Variants in NRP1 observed in about 807,000 individuals in gnomAD.
NRP1 encodes the protein neuropilin-1.
Under a neutral mutation model 106.7 loss-of-function variants are expected in NRP1, and 35 were observed. The observed-to-expected ratio is 0.33, with a 90% CI of 0.25 to 0.43. The LOEUF (loss-of-function observed/expected upper bound fraction) is 0.43. Ranked by LOEUF, NRP1 falls within the 20% of genes least tolerant of loss-of-function variation. The probability of loss-of-function intolerance (pLI) is 1.00; values close to 1 mark genes in which losing one functional copy is unlikely to be tolerated. For synonymous variants in NRP1, 437 were observed against 417.9 expected (o/e 1.05, Z -0.56); for missense variants, 1,024 against 1,170.4 (o/e 0.87, Z 1.83).
chr10:33,216,945 A>T (rs1838828794), intron 8 of NRP1, among the ~76,000 whole-genome samples: 1 of 152,140 alleles, frequency 6.6e-6, no homozygotes, highest in East Asian at 1.9e-4. Flanking sequence ...CATTTTCTCA[A>T]TTGCCCTTTC....
At position 33,202,917 on chromosome 10, in the gene NRP1, C is replaced by T. The variant is rs768496698; in HGVS notation, c.1838G>A (p.Gly613Glu). ...CDDDQANCHSGTGDDFQLTGG... is the reference protein window; with the variant it reads ...CDDDQANCHSETGDDFQLTGG... ...TGTGAGCTGGAAGTCATCACCTGTTCCACTGTGGCAGTTGGCCTGGTCGTC... is the reference window on the plus strand; with the variant it reads ...TGTGAGCTGGAAGTCATCACCTGTTTCACTGTGGCAGTTGGCCTGGTCGTC... The change falls in exon 11 of 17, where the codon GGA becomes GAA. Residue 613 changes from glycine to glutamate, a missense_variant. By Grantham distance (98) the Gly-to-Glu change is moderately conservative (BLOSUM62 -2). Coordinates refer to ENST00000374867, the MANE Select transcript of NRP1 (RefSeq NM_003873.7). 1 of 1,614,216 alleles carries T rather than the reference C, an allele frequency of 6.2e-7. No individual in the cohort carries two copies. The highest frequency in any genetic ancestry group is 1.7e-5 in the Admixed American group (1 of 60,024).
At chr10:33,249,173 T>C (rs1841663390) in intron 6 of NRP1, among the ~76,000 whole-genome samples, 1 of 148,262 alleles carries the variant, frequency 6.7e-6, no homozygotes, top group Non-Finnish European at 1.5e-5. Context: ...CCAAGAGCTT[T>C]AATTAAAGCT....
chr10:33,179,966 G>T lies in NRP1; in HGVS notation c.*110C>A. 2 of 1,119,098 alleles carry T rather than the reference G, an allele frequency of 1.8e-6. No individual in the cohort carries two copies. Among genetic ancestry groups the T allele is most frequent in the Non-Finnish European group, 2.6e-6 (2 of 767,254 alleles). The allele number at this position is 1,119,098 out of a possible 1,614,324, so 69.3% of individuals were successfully genotyped here. A position where few individuals can be genotyped will look rare whatever the true frequency, so the allele number is the denominator to read the frequency against. Reference sequence around the variant, plus strand: ...AAGCTCCTGAGAAAAGCCTGGCTCAGTGGTCATCAACACACTTCCCAGCCT... The same window carrying T: ...AAGCTCCTGAGAAAAGCCTGGCTCATTGGTCATCAACACACTTCCCAGCCT... On this transcript the variant is annotated 3_prime_UTR_variant, in exon 17 of 17. Transcript: ENST00000374867.
At chr10:33,269,371 G>A (rs1843137632) in intron 3 of NRP1, among the ~76,000 whole-genome samples, 1 of 152,168 alleles carries the variant, frequency 6.6e-6, no homozygotes, top group South Asian at 2.1e-4. Flanking sequence ...AGGCTCAACT[G>A]CAGCCTCCAA....
rs760822303 is a variant in NRP1 at position 33,334,361 on chromosome 10, G to A, written c.22C>T (p.Leu8Phe). The change falls in exon 1 of 17, where the codon CTC becomes TTC. Residue 8 changes from leucine to phenylalanine, a missense_variant. Leu to Phe is a conservative substitution (Grantham distance 22). Coordinates refer to ENST00000374867, the MANE Select transcript of NRP1 (RefSeq NM_003873.7). ...AGGACGAGGGCGAGCACGGCGCAGA[G>A]GAGCGGCAGCCCCCTCTCCATTCTC... MERGLPLLCAVLALVLAP... is the reference protein window; with the variant it reads MERGLPLFCAVLALVLAP... 6.5e-7 allele frequency: 1 copy of A among 1,546,418 alleles called. No individual in the cohort carries two copies. The highest frequency in any genetic ancestry group is 8.7e-7 in the Non-Finnish European group (1 of 1,147,390).
chr10:33,257,376 C>T (rs1842268736), intron 4 of NRP1, among the ~76,000 whole-genome samples: 1 of 152,178 alleles, frequency 6.6e-6, no homozygotes, highest in Admixed American at 6.5e-5. Flanking sequence ...GTGGCTCACT[C>T]TTGTAATCCC....
chr10:33,213,731 T>A lies in NRP1; in HGVS notation c.1283-14A>T, dbSNP rs1838521553. On this transcript the variant is annotated splice_polypyrimidine_tract_variant and intron_variant, in intron 8 of 16. Coordinates refer to ENST00000374867, the MANE Select transcript of NRP1 (RefSeq NM_003873.7). Reference sequence around the variant, plus strand: ...AGCAAGGATAATCTGGGAAGTGAAATGAAACAGATAATGTAAAATGATTTC... The same window carrying A: ...AGCAAGGATAATCTGGGAAGTGAAAAGAAACAGATAATGTAAAATGATTTC... The A allele has an allele frequency of 6.5e-7, 1 of 1,546,960 alleles. No homozygotes were observed. Among genetic ancestry groups the A allele is most frequent in the Non-Finnish European group, 8.8e-7 (1 of 1,142,416 alleles).
At chr10:33,216,918 C>A (rs1588747688) in intron 8 of NRP1, among the ~76,000 whole-genome samples, 2 of 152,240 alleles carry the variant, frequency 1.3e-5, no homozygotes, top group South Asian at 4.1e-4. Context: ...CAACTTAATA[C>A]AATGAAAGGC....
At chr10:33,301,989 T>C (rs1489832201) in intron 2 of NRP1, among the ~76,000 whole-genome samples, 1 of 151,970 alleles carries the variant, frequency 6.6e-6, no homozygotes, top group Non-Finnish European at 1.5e-5. Context: ...ACATAGAGAA[T>C]TTATAAAAAG....
At chr10:33,272,409 A>G (rs1588893177) in intron 2 of NRP1, among the ~76,000 whole-genome samples, 1 of 152,276 alleles carries the variant, frequency 6.6e-6, no homozygotes, top group Middle Eastern at 3.4e-3. Context: ...CCTTTGCAAA[A>G]CTGTGGAAAT....
intron 2 of NRP1, among the ~76,000 whole-genome samples, chr10:33,314,018 TTCTC>T (rs71792669): frequency 8.5e-4 from 39 of 45,692 alleles, no homozygotes; most frequent in African/African-American, 2.3e-3. Flanking sequence ...CCTTCCTTCC[TTCTC>T]TCTCTCTCTT....
chr10:33,244,833 G>C (rs571745787), intron 6 of NRP1, among the ~76,000 whole-genome samples: 1 of 152,256 alleles, frequency 6.6e-6, no homozygotes, highest in African/African-American at 2.4e-5. Flanking sequence ...ATGTGTCAAA[G>C]AGCTAATTTC....
chr10:33,199,443 G>C (rs1315676596), intron 11 of NRP1, among the ~76,000 whole-genome samples: 1 of 109,612 alleles, frequency 9.1e-6, no homozygotes, highest in Admixed American at 1.3e-4. Context: ...GGATCTCACT[G>C]TCTGGCCCAG....
At position 33,256,898 on chromosome 10, in the gene NRP1, G is replaced by A. The variant is rs147064785; in HGVS notation, c.659-427C>T. 7.0e-3 allele frequency among the ~76,000 whole-genome samples: 1,068 copies of A among 152,272 alleles called. 12 individuals are homozygous for A. Among genetic ancestry groups the A allele is most frequent in the African/African-American group, 0.024 (1,009 of 41,538 alleles). ...GTCCTCGCCTCTCTTGCCCTAGGGG[G>A]AGATTCTGGGGATGCTGATGTCCAG... On this transcript the variant is annotated intron_variant, in intron 4 of 16. Transcript: ENST00000374867.
chr10:33,269,209 A>G (rs1042712264), intron 3 of NRP1, among the ~76,000 whole-genome samples: 1 of 152,234 alleles, frequency 6.6e-6, no homozygotes, highest in African/African-American at 2.4e-5. Context: ...TTCACACACA[A>G]AAGGAATTTA....
chr10:33,290,544 C>T (rs143686478), intron 2 of NRP1, among the ~76,000 whole-genome samples: 40 of 152,148 alleles, frequency 2.6e-4, no homozygotes, highest in Admixed American at 1.4e-3. Context: ...AACTTGAACA[C>T]GCCACTTTTA....
At position 33,178,703 on chromosome 10, in the gene NRP1, C is replaced by G. The variant is rs1835507287; in HGVS notation, c.*1373G>C. On this transcript the variant is annotated 3_prime_UTR_variant, in exon 17 of 17. Transcript: ENST00000374867. ...ATTTTATCCAGTTCTTCCTTTGGGT[C>G]TCACTTGAAAGCCAATTTGTATTAT... The G allele has an allele frequency of 6.6e-6, 1 of 152,366 alleles. No individual in the cohort carries two copies. Among genetic ancestry groups the G allele is most frequent in the African/African-American group, 2.4e-5 (1 of 41,436 alleles). The allele number at this position is 152,366 out of a possible 1,614,324, so 9.4% of individuals were successfully genotyped here.
rs1835498259 is a variant in NRP1, at chr10:33,178,499, T to C, written c.*1577A>G. On this transcript the variant is annotated 3_prime_UTR_variant, in exon 17 of 17. Coordinates refer to ENST00000374867, the MANE Select transcript of NRP1 (RefSeq NM_003873.7). ...AAAACATTTGTTTGACTTTATGTGTTTTTCCCCCTCTTATCTTAAAATACT... is the reference window on the plus strand; with the variant it reads ...AAAACATTTGTTTGACTTTATGTGTCTTTCCCCCTCTTATCTTAAAATACT... 6.6e-6 allele frequency: 1 copy of C among 152,182 alleles called. No individual in the cohort carries two copies. Among genetic ancestry groups the C allele is most frequent in the Non-Finnish European group, 1.5e-5 (1 of 68,044 alleles). 9.4% of individuals were successfully genotyped at this position (152,182 alleles called of 1,614,324 possible).
intron 6 of NRP1, among the ~76,000 whole-genome samples, chr10:33,243,930 G>A (rs966169264): frequency 1.5e-5 from 2 of 133,162 alleles, no homozygotes; most frequent in Non-Finnish European, 3.1e-5. Context: ...GGAGGGTAGA[G>A]GTTTGTGTGT....
Sources: allele counts gnomAD v4.1 joint callset (sites outside exome capture counted in the v4.1 genomes callset), GRCh38; gene constraint gnomAD v4.1.1; transcripts MANE v1.5; gene names NCBI Gene and HGNC (gene_info 2026-07-23, HGNC 2026-07-21).